PRKAG2: variants seen among roughly 807,000 people sequenced by gnomAD.
PRKAG2 encodes the protein 5'-AMP-activated protein kinase subunit gamma-2.
In PRKAG2, 26 loss-of-function variants were observed where a neutral mutation model predicts 69.6. That is an observed-to-expected ratio of 0.37 (90% CI 0.27 to 0.52). The LOEUF (loss-of-function observed/expected upper bound fraction) is 0.52, where lower values mean the gene tolerates loss of function less well. Ranked by LOEUF, PRKAG2 falls within the 20% of genes least tolerant of loss-of-function variation. PRKAG2 has a pLI of 0.90. For synonymous variants in PRKAG2, 293 were observed against 285.0 expected, an observed-to-expected ratio of 1.03 and a Z score of -0.28; for missense variants, 557 against 740.0, an observed-to-expected ratio of 0.75 and a Z score of 2.87.
intron 4 of PRKAG2, among the ~76,000 whole-genome samples, chr7:151,661,345 T>C (rs1830288971): frequency 6.6e-6 from 1 of 152,142 alleles, no homozygotes; most frequent in Non-Finnish European, 1.5e-5. Flanking sequence ...ACCCGGCTAA[T>C]TTTTATGTTT....
At chr7:151,725,227 C>T (rs1225550105) in intron 3 of PRKAG2, among the ~76,000 whole-genome samples, 2 of 152,090 alleles carry the variant, frequency 1.3e-5, no homozygotes, top group Non-Finnish European at 2.9e-5. Flanking sequence ...TCCTGCCACC[C>T]GCCACCCACA....
intron 1 of PRKAG2, among the ~76,000 whole-genome samples, chr7:151,858,699 G>T (rs963510273): frequency 1.3e-5 from 2 of 152,212 alleles, no homozygotes; most frequent in Non-Finnish European, 2.9e-5. Context: ...CACTTCGGCC[G>T]TTTCTCGGCT....
chr7:151,723,475 G>A (rs918992966), intron 3 of PRKAG2, among the ~76,000 whole-genome samples: 9 of 152,314 alleles, frequency 5.9e-5, no homozygotes, highest in Admixed American at 2.6e-4. Context: ...ACATGGTGGC[G>A]AACTGGCCCA....
chr7:151,825,558 G>A (rs2078887834), intron 1 of PRKAG2, among the ~76,000 whole-genome samples: 1 of 152,176 alleles, frequency 6.6e-6, no homozygotes, highest in South Asian at 2.1e-4. Context: ...TAGGTGACAG[G>A]GGTACCAGAT....
At chr7:151,663,381 T>G (rs893246157) in intron 4 of PRKAG2, among the ~76,000 whole-genome samples, 1 of 152,182 alleles carries the variant, frequency 6.6e-6, no homozygotes, top group African/African-American at 2.4e-5. Context: ...ATTTTCTTTT[T>G]GTTTTTGTTT....
chr7:151,604,666 A>ACC (rs1265864662), intron 5 of PRKAG2, among the ~76,000 whole-genome samples: 3 of 151,864 alleles, frequency 2.0e-5, no homozygotes, highest in African/African-American at 7.3e-5. Flanking sequence ...ATACACACAC[A>ACC]CCCCAACAAT....
At chr7:151,667,690 T>A (rs563529531) in intron 4 of PRKAG2, among the ~76,000 whole-genome samples, 16 of 152,300 alleles carry the variant, frequency 1.1e-4, no homozygotes, top group African/African-American at 3.9e-4. Flanking sequence ...TACTTCTGTC[T>A]CTCTTGGAAC....
chr7:151,767,559 G>T (rs981351291), intron 3 of PRKAG2, among the ~76,000 whole-genome samples: 15 of 152,220 alleles, frequency 9.9e-5, no homozygotes, highest in Admixed American at 9.8e-4. Flanking sequence ...CCAAAGTGCT[G>T]GGATTACAGG....
At chr7:151,605,936 C>CAAAAAAAAAAAAA (rs560080587) in intron 5 of PRKAG2, among the ~76,000 whole-genome samples, 5 of 91,048 alleles carry the variant, frequency 5.5e-5, no homozygotes, top group African/African-American at 1.9e-4. Flanking sequence ...GACTCCGTCT[C>CAAAAAAAAAAAAA]AAAAAAAAAA....
intron 5 of PRKAG2, among the ~76,000 whole-genome samples, chr7:151,624,137 C>CGTGTGT (rs58644630): frequency 1.3e-3 from 186 of 145,176 alleles, no homozygotes; most frequent in African/African-American, 4.3e-3. Flanking sequence ...CAGAAGGCAG[C>CGTGTGT]GTGTGTGTGT....
chr7:151,630,617 T>C (rs1824180015), intron 5 of PRKAG2, among the ~76,000 whole-genome samples: 1 of 152,236 alleles, frequency 6.6e-6, no homozygotes, highest in South Asian at 2.1e-4. Flanking sequence ...GAACAGAAGC[T>C]GCTCTCTAGT....
intron 3 of PRKAG2, among the ~76,000 whole-genome samples, chr7:151,722,418 C>A (rs1797256311): frequency 6.6e-6 from 1 of 152,154 alleles, no homozygotes. Context: ...CCAAGGATGT[C>A]TTGCCATTGG....
In PRKAG2 at chr7:151,675,519, A is replaced by T. The variant is rs781522393; in HGVS notation, c.585T>A (p.Ser195=). 6 of 1,614,054 alleles carry T rather than the reference A, an allele frequency of 3.7e-6. No individual in the cohort carries two copies. The highest frequency in any genetic ancestry group is 2.7e-5 in the African/African-American group (2 of 74,930). ...ACCTCTGCCCTGTGTCCGGGGGGGA[A>T]GACGAGGCATAGATGCGATTCTCTA... ...ERLENRIYAS[S]SPPDTGQRFC... Residue 195 remains serine (S), a synonymous_variant, in exon 4 of 16, where the codon TCT becomes TCA. Coordinates refer to ENST00000287878, the MANE Select transcript of PRKAG2 (RefSeq NM_016203.4).
rs1318980328 is a variant in PRKAG2 at position 151,771,531 on chromosome 7, C to T, written c.466+9621G>A. Reference sequence around the variant, plus strand: ...TTGTATGCATGCAGTACACACAATGCCATCTTTCCTAGAAGTCTCAGGCTC... The same window carrying T: ...TTGTATGCATGCAGTACACACAATGTCATCTTTCCTAGAAGTCTCAGGCTC... On this transcript the variant is annotated intron_variant, in intron 3 of 15. Transcript: ENST00000287878. The surrounding 1 kb of genome is among the most constrained non-coding windows in gnomAD (Gnocchi z 4.0). 1.3e-5 allele frequency among the ~76,000 whole-genome samples: 2 copies of T among 152,172 alleles called. No homozygotes were observed. Among genetic ancestry groups the T allele is most frequent in the East Asian group, 1.9e-4 (1 of 5,192 alleles).
chr7:151,557,109 T>C lies in PRKAG2; in HGVS notation c.*92A>G. 1 of 1,583,232 alleles carries C rather than the reference T, an allele frequency of 6.3e-7. No homozygotes were observed. Among genetic ancestry groups the C allele is most frequent in the South Asian group, 1.1e-5 (1 of 90,420 alleles). ...CCTATTGTTAAACCCTGATATACAT[T>C]CTTAACCACTTGCAGCCAGTGTTCA... On this transcript the variant is annotated 3_prime_UTR_variant, in exon 16 of 16. Coordinates refer to ENST00000287878, the MANE Select transcript of PRKAG2 (RefSeq NM_016203.4).
chr7:151,708,633 G>A lies in PRKAG2; in HGVS notation c.467-32996C>T, dbSNP rs143733174. 2.9e-3 allele frequency among the ~76,000 whole-genome samples: 448 copies of A among 152,286 alleles called. 1 individual carries two copies. Among genetic ancestry groups the A allele is most frequent in the Non-Finnish European group, 4.9e-3 (336 of 68,012 alleles). On this transcript the variant is annotated intron_variant, in intron 3 of 15. Transcript: ENST00000287878. ...TGGCAAGTGAGGATACACTGTCCAC[G>A]TGGAGGGCTTTCCTGTCGTACCCCG... is the stretch of plus-strand genomic sequence containing the variant.
intron 5 of PRKAG2, among the ~76,000 whole-genome samples, chr7:151,629,191 A>G (rs1823771280): frequency 2.0e-5 from 3 of 152,230 alleles, no homozygotes; most frequent in African/African-American, 4.8e-5. Flanking sequence ...AACTGAGACC[A>G]TAACACCCGC....
intron 3 of PRKAG2, among the ~76,000 whole-genome samples, chr7:151,746,294 AT>A (rs1431840144): frequency 6.6e-6 from 1 of 152,194 alleles, no homozygotes; most frequent in Non-Finnish European, 1.5e-5. Flanking sequence ...CCTAGCTTAG[AT>A]TATGAGGGCT....
chr7:151,713,616 G>C (rs907855940), intron 3 of PRKAG2, among the ~76,000 whole-genome samples: 4 of 144,200 alleles, frequency 2.8e-5, no homozygotes, highest in African/African-American at 1.1e-4. Context: ...ACAAAGTCTC[G>C]CTCTGTTGCC....
Sources: allele counts gnomAD v4.1 joint callset (sites outside exome capture counted in the v4.1 genomes callset), GRCh38; gene constraint gnomAD v4.1.1; non-coding constraint Gnocchi (gnomAD v3.1); transcripts MANE v1.5; gene names NCBI Gene and HGNC (gene_info 2026-07-23, HGNC 2026-07-21).